Variants in UGT1A4 observed in about 807,000 individuals in gnomAD.
The protein encoded by UGT1A4 is UDP glucuronosyltransferase family 1 member A4.
A neutral mutation model predicts 41.1 loss-of-function variants in UGT1A4; 32 were observed. That is an observed-to-expected ratio of 0.78 (90% CI 0.59 to 1.05). The LOEUF (loss-of-function observed/expected upper bound fraction) is 1.05, where lower values mean the gene tolerates loss of function less well. Among genes scored for constraint, UGT1A4 ranks in the 50% least tolerant of loss-of-function variants. UGT1A4 has a pLI of 0.00. For synonymous variants in UGT1A4, 283 were observed against 265.1 expected (o/e 1.07, Z -0.66); for missense variants, 748 against 677.4 (o/e 1.10, Z -1.16).
At position 233,746,718 on chromosome 2, in the gene UGT1A4, T is replaced by A. The variant is rs1161016418; in HGVS notation, c.868-20316T>A. The stretch of plus-strand genomic sequence containing the variant: ...ATAAATATTTGGTGGATAAGGGAAT[T>A]AGCAATGGATTCTGCTTTGGTTCCA... On this transcript the variant is annotated intron_variant, in intron 1 of 4. Transcript: ENST00000373409. Among the ~76,000 whole-genome samples, 3 of 151,822 alleles carry A rather than the reference T, an allele frequency of 2.0e-5. 1 individual carries two copies. Among genetic ancestry groups the A allele is most frequent in the African/African-American group, 7.3e-5 (3 of 41,076 alleles).
intron 1 of UGT1A4, chr2:233,748,161 A>G: frequency 1.3e-6 from 2 of 1,596,158 alleles, no homozygotes; most frequent in South Asian, 2.3e-5. Context: ...TTGCTTCCAT[A>G]TCTACTTATC....
chr2:233,760,276 A>C (rs1040602725), intron 1 of UGT1A4: 1 of 1,612,488 alleles, frequency 6.2e-7, no homozygotes, highest in Non-Finnish European at 8.5e-7. Flanking sequence ...CTCTGGCAGG[A>C]GCAAAGGCGC....
At chr2:233,738,533 C>T (rs762024449) in intron 1 of UGT1A4, among the ~76,000 whole-genome samples, 4 of 152,178 alleles carry the variant, frequency 2.6e-5, no homozygotes, top group African/African-American at 9.7e-5. Context: ...CAATGAAGTC[C>T]AGGCTGAGTC....
At chr2:233,738,845 C>T (rs1366677682) in intron 1 of UGT1A4, 1 of 152,224 alleles carries the variant, frequency 6.6e-6, no homozygotes, top group Admixed American at 6.5e-5. Flanking sequence ...AAATGTTAAT[C>T]ACCAAGACAA....
rs1413037235 is a variant in UGT1A4, at chr2:233,728,990, C to T, written c.867+9303C>T. 4.6e-6 allele frequency: 7 copies of T among 1,537,926 alleles called. No homozygotes were observed. In the Admixed American group the frequency reaches 1.1e-4, roughly 25 times the overall value. On this transcript the variant is annotated intron_variant, in intron 1 of 4. Coordinates refer to ENST00000373409, the MANE Select transcript of UGT1A4 (RefSeq NM_007120.3). ...TGATAGATTAATGGTTAATAATTAA[C>T]TAGAGGAGGGCACTCTGTCTTCCAA...
At chr2:233,747,952 A>G in intron 1 of UGT1A4, 2 of 1,613,280 alleles carry the variant, frequency 1.2e-6, no homozygotes, top group Non-Finnish European at 1.7e-6. Flanking sequence ...TCAGTGGTGG[A>G]TCTTCTCAGC....
In UGT1A4 at chr2:233,769,469, G is replaced by A. The variant is rs1360382156; in HGVS notation, c.1307+1030G>A. 6.2e-7 allele frequency: 1 copy of A among 1,610,132 alleles called. No homozygotes were observed. Among genetic ancestry groups the A allele is most frequent in the Non-Finnish European group, 8.5e-7 (1 of 1,177,710 alleles). On this transcript the variant is annotated intron_variant, in intron 4 of 4. Coordinates refer to ENST00000373409, the MANE Select transcript of UGT1A4 (RefSeq NM_007120.3). The surrounding 1 kb of genome is among the most constrained non-coding windows in gnomAD (Gnocchi z 4.4). Reference sequence around the variant, plus strand: ...CACACGTGTGCATTCATATGCGTGTGTGTGTGTGTGCGTGTGTTTATGAGA... The same window carrying A: ...CACACGTGTGCATTCATATGCGTGTATGTGTGTGTGCGTGTGTTTATGAGA...
chr2:233,764,521 T>A (rs2126010678), intron 1 of UGT1A4, among the ~76,000 whole-genome samples: 1 of 152,314 alleles, frequency 6.6e-6, no homozygotes, highest in African/African-American at 2.4e-5. Context: ...GTGAATCACA[T>A]CCTGCTGATT....
rs1699307451 is a variant in UGT1A4, at chr2:233,767,015, A to G, written c.868-19A>G. The G allele has an allele frequency of 6.2e-7, 1 of 1,613,760 alleles. No homozygotes were observed. Among genetic ancestry groups the G allele is most frequent in the South Asian group, 1.1e-5 (1 of 90,990 alleles). On this transcript the variant is annotated intron_variant, in intron 1 of 4. Transcript: ENST00000373409. The stretch of plus-strand genomic sequence containing the variant: ...GAATATGAGAAAAAATTAACTGAAA[A>G]TTTTTCTTCTGGCTCTAGGAATTTG...
chr2:233,730,676 G>A (rs992783530), intron 1 of UGT1A4, among the ~76,000 whole-genome samples: 4 of 152,128 alleles, frequency 2.6e-5, no homozygotes, highest in Non-Finnish European at 4.4e-5. Flanking sequence ...CAAAGTAATG[G>A]TTGCATCTCA....
intron 4 of UGT1A4, 29 bp downstream of exon 4, chr2:233,768,468 T>C: frequency 6.2e-7 from 1 of 1,604,616 alleles, no homozygotes; most frequent in Non-Finnish European, 8.5e-7. Context: ...AAGAATACTT[T>C]GGTCATGGCA....
At chr2:233,752,746 A>AAAACAAACAAAC (rs200752387) in intron 1 of UGT1A4, among the ~76,000 whole-genome samples, 1 of 152,190 alleles carries the variant, frequency 6.6e-6, no homozygotes, top group East Asian at 1.9e-4. Context: ...CCCTGTCTCT[A>AAAACAAACAAAC]AAACAAACAA....
At chr2:233,729,782 C>T (rs764191993) in intron 1 of UGT1A4, 4 of 1,613,938 alleles carry the variant, frequency 2.5e-6, no homozygotes, top group Non-Finnish European at 2.5e-6. Flanking sequence ...TACCCTCTGG[C>T]CCTGTCCTAC....
At chr2:233,754,028 T>C (rs751344508) in intron 1 of UGT1A4, among the ~76,000 whole-genome samples, 3 of 152,268 alleles carry the variant, frequency 2.0e-5, no homozygotes, top group African/African-American at 7.2e-5. Context: ...AGGAAACGAA[T>C]GCATCCACTT....
chr2:233,720,952 C>T (rs374895724), intron 1 of UGT1A4, among the ~76,000 whole-genome samples: 224 of 149,770 alleles, frequency 1.5e-3, no homozygotes, highest in African/African-American at 5.2e-3. Flanking sequence ...CTCATGTGAT[C>T]TGCCCGCCTC....
intron 1 of UGT1A4, chr2:233,755,543 A>C (rs1450453289): frequency 6.3e-6 from 1 of 158,400 alleles, no homozygotes; most frequent in African/African-American, 2.4e-5. Flanking sequence ...CATGGTCTCC[A>C]AAAAGGATGG....
rs531220267 is a variant in UGT1A4, at chr2:233,732,395, C to A, written c.867+12708C>A. On this transcript the variant is annotated intron_variant, in intron 1 of 4. Coordinates refer to ENST00000373409, the MANE Select transcript of UGT1A4 (RefSeq NM_007120.3). ...CTATGTCTTCTAGGCCATGCCTATGCCTAAATGATATTGCCTAGGTTTTCT... is the reference window on the plus strand; with the variant it reads ...CTATGTCTTCTAGGCCATGCCTATGACTAAATGATATTGCCTAGGTTTTCT... Among the ~76,000 whole-genome samples, 4 of 152,284 alleles carry A rather than the reference C, an allele frequency of 2.6e-5. No individual in the cohort carries two copies. The East Asian group carries it at 7.7e-4, about 29-fold the overall frequency.
intron 1 of UGT1A4, chr2:233,761,266 C>T: frequency 1.3e-6 from 2 of 1,594,552 alleles, no homozygotes; most frequent in South Asian, 1.1e-5. Context: ...ATTTAAAATG[C>T]CCTCTTTTGT....
In UGT1A4 at chr2:233,767,859, G is replaced by C. The variant is rs750453538; in HGVS notation, c.1010G>C (p.Arg337Pro). ...LGKIPQTVLWRYTGTRPSNLA... is the reference protein window; with the variant it reads ...LGKIPQTVLWPYTGTRPSNLA... Reference sequence around the variant, plus strand: ...TTTTGCCCCTCCCAGGTCCTGTGGCGGTACACTGGAACCCGACCATCGAAT... The same window carrying C: ...TTTTGCCCCTCCCAGGTCCTGTGGCCGTACACTGGAACCCGACCATCGAAT... Residue 337 changes from arginine to proline, a missense_variant, in exon 3 of 5, where the codon CGG becomes CCG. Physicochemically the swap from Arg to Pro is moderately radical, Grantham distance 103 (BLOSUM62 -2). Transcript: ENST00000373409. 6.2e-7 allele frequency: 1 copy of C among 1,613,938 alleles called. No individual in the cohort carries two copies. The highest frequency in any genetic ancestry group is 1.3e-5 in the African/African-American group (1 of 74,850).
Sources: allele counts gnomAD v4.1 joint callset (sites outside exome capture counted in the v4.1 genomes callset), GRCh38; gene constraint gnomAD v4.1.1; non-coding constraint Gnocchi (gnomAD v3.1); transcripts MANE v1.5; gene names NCBI Gene and HGNC (gene_info 2026-07-23, HGNC 2026-07-21).